The following PBRM1 variants were observed in gnomAD, a reference collection of about 807,000 sequenced individuals.
PBRM1 encodes the protein protein polybromo-1.
A neutral mutation model predicts 194.5 loss-of-function variants in PBRM1; 27 were observed. The ratio of observed to expected loss-of-function variants is 0.14; its 90% CI spans 0.10 to 0.19. PBRM1 has a LOEUF of 0.19. Among genes scored for constraint, PBRM1 ranks in the 10% least tolerant of loss-of-function variants. The pLI is 1.00. For missense variants in PBRM1, 1,466 were observed against 2,077.2 expected (o/e 0.71, Z 5.72); for synonymous variants, 655 against 693.2 (o/e 0.94, Z 0.87).
chr3:52,675,919 T>A lies in PBRM1; in HGVS notation c.236+2581A>T, dbSNP rs956229514. 4.6e-4 allele frequency among the ~76,000 whole-genome samples: 23 copies of A among 50,048 alleles called. 7 individuals carry two copies. The highest frequency in any genetic ancestry group is 0.019 in the Middle Eastern group (2 of 104). The allele number at this position is 50,048 out of a possible 152,430, so 32.8% of individuals were successfully genotyped here. On this transcript the variant is annotated intron_variant, in intron 2 of 29. Transcript: ENST00000296302. ...TCACGAGGTCAGGAGATCGAGACCATCCCGGCTAAAATGGTGAAACCCCGT... is the reference window on the plus strand; with the variant it reads ...TCACGAGGTCAGGAGATCGAGACCAACCCGGCTAAAATGGTGAAACCCCGT...
chr3:52,602,684 C>T (rs2094089829), intron 17 of PBRM1, among the ~76,000 whole-genome samples: 1 of 152,234 alleles, frequency 6.6e-6, no homozygotes, highest in African/African-American at 2.4e-5. Context: ...CTAAACCCCA[C>T]ACATATATAT....
At chr3:52,650,755 A>G (rs965851328) in intron 6 of PBRM1, among the ~76,000 whole-genome samples, 9 of 152,236 alleles carry the variant, frequency 5.9e-5, no homozygotes, top group African/African-American at 2.2e-4. Flanking sequence ...ACAGCAGAGG[A>G]AGCAGGCAAA....
intron 15 of PBRM1, among the ~76,000 whole-genome samples, chr3:52,612,014 C>T (rs964066259): frequency 6.6e-6 from 1 of 151,742 alleles, no homozygotes; most frequent in African/African-American, 2.4e-5. Flanking sequence ...AATCCCAGCA[C>T]TTTGGGAGGC....
chr3:52,566,928 G>A (rs1470119796), intron 22 of PBRM1, among the ~76,000 whole-genome samples: 1 of 152,096 alleles, frequency 6.6e-6, no homozygotes. Context: ...AATTAGCCAG[G>A]CGTGGTAGCT....
intron 6 of PBRM1, among the ~76,000 whole-genome samples, chr3:52,648,900 T>C (rs2096404668): frequency 6.6e-6 from 1 of 152,190 alleles, no homozygotes; most frequent in African/African-American, 2.4e-5. Flanking sequence ...GTACCTACTG[T>C]GTGCTAGAGC....
chr3:52,583,113 A>C (rs2091680475), intron 20 of PBRM1, among the ~76,000 whole-genome samples: 2 of 144,958 alleles, frequency 1.4e-5, no homozygotes, highest in Admixed American at 7.0e-5. Flanking sequence ...AAAAAAAAAA[A>C]AAAAAAACTA....
chr3:52,609,632 G>C lies in PBRM1; in HGVS notation c.2248C>G (p.Leu750Val). Reference sequence around the variant, plus strand: ...TCAAGCAGGACTTTGTGTAGAACAAGAGCATCTTTGTAGATCAAAGACTCC... The same window carrying C: ...TCAAGCAGGACTTTGTGTAGAACAACAGCATCTTTGTAGATCAAAGACTCC... The change falls in exon 16 of 30, where the codon CTT (leucine) becomes GTT (valine). Residue 750 changes from leucine (L) to valine (V), a missense_variant. Leu to Val is a conservative substitution (Grantham distance 32). Transcript: ENST00000296302. This position sits in a 1 kb window ranked among gnomAD's most constrained non-coding sequence, Gnocchi z 4.1. The C allele has an allele frequency of 6.2e-7, 1 of 1,613,206 alleles. No homozygotes were observed. The highest frequency in any genetic ancestry group is 8.5e-7 in the Non-Finnish European group (1 of 1,179,360).
chr3:52,685,547 T>G (rs1361671544), intron 1 of PBRM1: 1 of 151,512 alleles, frequency 6.6e-6, no homozygotes, highest in African/African-American at 2.4e-5. Context: ...CCTTTGTCCC[T>G]GCCGGCAGGT....
Position 52,609,463 on chromosome 3 carries a change from T to C in PBRM1, c.2417A>G (p.Glu806Gly), listed in dbSNP as rs772930853. ...AAAGTTGGGATCCACAGCAGGAATT[T>C]CTGCTAAAGAATCGCTGTAGCATCT... The change falls in exon 16 of 30, where the codon GAA becomes GGA. Residue 806 changes from glutamate (E) to glycine (G), a missense_variant. Physicochemically the swap from Glu to Gly is moderately conservative, Grantham distance 98. This residue lies in a region of PBRM1 where 687 missense variants were observed against 946.2 expected (regional missense o/e 0.73). Coordinates refer to ENST00000296302, the Ensembl canonical transcript of PBRM1. This position sits in a 1 kb window ranked among gnomAD's most constrained non-coding sequence, Gnocchi z 4.1. The C allele has an allele frequency of 6.2e-7, 1 of 1,614,010 alleles. No individual in the cohort carries two copies. The highest frequency in any genetic ancestry group is 8.5e-7 in the Non-Finnish European group (1 of 1,179,852).
chr3:52,611,987 T>C (rs1321182222), intron 15 of PBRM1, among the ~76,000 whole-genome samples: 1 of 151,774 alleles, frequency 6.6e-6, no homozygotes, highest in Non-Finnish European at 1.5e-5. Flanking sequence ...GGGCTGGGCA[T>C]GGTGGCTCAC....
chr3:52,560,466 T>C (rs1019435161), intron 25 of PBRM1: 4 of 152,252 alleles, frequency 2.6e-5, no homozygotes, highest in Admixed American at 6.5e-5. Flanking sequence ...CTTTAGGGTA[T>C]TCATAGGTAC....
In PBRM1 at chr3:52,550,573, C is replaced by T. The variant is rs760685169; in HGVS notation, c.4745G>A (p.Gly1582Glu). The T allele has an allele frequency of 7.8e-6, 12 of 1,541,876 alleles. No individual in the cohort carries two copies. In the South Asian group the frequency reaches 1.1e-4, roughly 15 times the overall value. ...TGTTGGCTGCTGTATGACAGGGGGT[C>T]CAGCTGGATGTGGGCCGGGATATGG... Residue 1582 changes from glycine (G) to glutamate (E), a missense_variant, in exon 29 of 30, where the codon GGA becomes GAA. Physicochemically the swap from Gly to Glu is moderately conservative, Grantham distance 98. Around this residue, in one of 5 missense-constraint regions of PBRM1, gnomAD observed 244 missense variants for 324.6 expected, o/e 0.75. Coordinates refer to ENST00000296302, the Ensembl canonical transcript of PBRM1.
chr3:52,666,822 A>G (rs1007764108), intron 3 of PBRM1, among the ~76,000 whole-genome samples: 2 of 147,084 alleles, frequency 1.4e-5, no homozygotes, highest in Non-Finnish European at 1.5e-5. Context: ...AGCCCAGGAG[A>G]CAAGGGCTGT....
chr3:52,558,217 T>A, intron 26 of PBRM1, 32 bp downstream of exon 28: 2 of 1,451,230 alleles, frequency 1.4e-6, no homozygotes, highest in Non-Finnish European at 1.8e-6. Flanking sequence ...TTTCTTAAAG[T>A]GGAAAAAAAT....
intron 15 of PBRM1, 93 bp downstream of exon 17, chr3:52,615,258 T>C (rs370448498): frequency 4.2e-6 from 3 of 714,008 alleles, no homozygotes; most frequent in East Asian, 2.7e-5. Flanking sequence ...TGAGTTCAAA[T>C]ATATTCATAA....
At chr3:52,638,996 G>C (rs1043565723) in intron 10 of PBRM1, among the ~76,000 whole-genome samples, 8 of 116,356 alleles carry the variant, frequency 6.9e-5, no homozygotes, top group Non-Finnish European at 1.0e-4. Flanking sequence ...TGGGGGGGGG[G>C]GGCGGGGGAC....
intron 21 of PBRM1, among the ~76,000 whole-genome samples, chr3:52,577,214 T>G (rs753234905): frequency 6.6e-6 from 1 of 152,060 alleles, no homozygotes; most frequent in Non-Finnish European, 1.5e-5. Flanking sequence ...GCGAATCACG[T>G]GAGCTCAGGA....
chr3:52,676,114 CAAAAAAAAAAAAAAAA>C (rs1019237005), intron 2 of PBRM1, among the ~76,000 whole-genome samples: 1 of 5,116 alleles, frequency 2.0e-4, no homozygotes, highest in African/African-American at 2.3e-3. Flanking sequence ...GACTCCGTCT[CAAAAAAAAAAAAAAAA>C]AAAAAAAAAA....
chr3:52,593,830 T>C (rs1347645891), intron 17 of PBRM1, among the ~76,000 whole-genome samples: 1 of 152,144 alleles, frequency 6.6e-6, no homozygotes, highest in African/African-American at 2.4e-5. Context: ...TTTCTGAGGA[T>C]TGTTTTATGT....
Sources: allele counts gnomAD v4.1 joint callset (sites outside exome capture counted in the v4.1 genomes callset), GRCh38; gene constraint gnomAD v4.1.1; regional missense constraint gnomAD v4.1.1; non-coding constraint Gnocchi (gnomAD v3.1); transcripts MANE v1.5; gene names NCBI Gene and HGNC (gene_info 2026-07-23, HGNC 2026-07-21).